Variants in TMEM45A observed in about 807,000 individuals in gnomAD.
TMEM45A encodes DNA polymerase-transactivated protein 4.
In TMEM45A, 25 loss-of-function variants were observed where a neutral mutation model predicts 32.0. That is an observed-to-expected ratio of 0.78 (90% CI 0.57 to 1.09). The LOEUF is 1.09. TMEM45A is among the 50% of genes least tolerant of loss of function. The pLI, the probability that TMEM45A is intolerant of heterozygous loss-of-function variation, is 0.00. For synonymous variants in TMEM45A, 122 were observed against 114.8 expected, an observed-to-expected ratio of 1.06 and a Z score of -0.40; for missense variants, 302 against 325.0, an observed-to-expected ratio of 0.93 and a Z score of 0.54.
At chr3:100,565,521 A>G (rs1351203541) in intron 4 of TMEM45A, among the ~76,000 whole-genome samples, 2 of 152,130 alleles carry the variant, frequency 1.3e-5, no homozygotes, top group African/African-American at 4.8e-5. Context: ...TGGGCAAATC[A>G]CTAAATCACC....
In TMEM45A at chr3:100,515,757, TTACATGTTCTTACTAA is replaced by T. The variant is rs1433715447; in HGVS notation, c.-4+22836_-4+22851del. On this transcript the variant is annotated intron_variant, in intron 1 of 5. Transcript: ENST00000323523. ...CAAGCCAGGCACAGAAAGACAAATA[TTACATGTTCTTACTAA>T]TACATGAGAGCTAAAAAAGTTGATC... is the stretch of plus-strand genomic sequence containing the variant. Among the ~76,000 whole-genome samples the T allele has an allele frequency of 2.0e-5, 3 of 152,154 alleles. No individual in the cohort carries two copies. In the East Asian group the frequency reaches 5.8e-4, roughly 29 times the overall value.
intron 1 of TMEM45A, among the ~76,000 whole-genome samples, chr3:100,515,711 A>G (rs928252437): frequency 1.3e-5 from 2 of 152,126 alleles, no homozygotes; most frequent in Non-Finnish European, 2.9e-5. Flanking sequence ...ATGGAACTGC[A>G]GGTCATTATG....
intron 5 of TMEM45A, chr3:100,573,903 A>G (rs1706626751): frequency 6.6e-6 from 1 of 152,196 alleles, no homozygotes; most frequent in Non-Finnish European, 1.5e-5. Flanking sequence ...GATTACATTT[A>G]TTGATTTGTG....
At chr3:100,502,827 A>C (rs919241155) in intron 1 of TMEM45A, among the ~76,000 whole-genome samples, 3 of 152,222 alleles carry the variant, frequency 2.0e-5, no homozygotes, top group Non-Finnish European at 1.5e-5. Context: ...CAAGGAAGAA[A>C]AAAATTATAG....
chr3:100,532,106 C>T (rs1424253789), intron 1 of TMEM45A, among the ~76,000 whole-genome samples: 1 of 152,194 alleles, frequency 6.6e-6, no homozygotes, highest in African/African-American at 2.4e-5. Flanking sequence ...GTCTCACATT[C>T]AGCATAATTT....
At chr3:100,499,831 G>C (rs776773135) in intron 1 of TMEM45A, among the ~76,000 whole-genome samples, 1 of 152,204 alleles carries the variant, frequency 6.6e-6, no homozygotes, top group Non-Finnish European at 1.5e-5. Context: ...AGCCGAGATT[G>C]TGCCACTGCA....
At chr3:100,565,286 C>G (rs77419905) in intron 4 of TMEM45A, among the ~76,000 whole-genome samples, 8,684 of 152,190 alleles carry the variant, frequency 0.057, 825 homozygotes, top group African/African-American at 0.2. Flanking sequence ...ACGTGACAAG[C>G]ACGTGGTGGT....
At chr3:100,538,565 G>A (rs1166300761) in intron 1 of TMEM45A, among the ~76,000 whole-genome samples, 1 of 152,128 alleles carries the variant, frequency 6.6e-6, no homozygotes, top group African/African-American at 2.4e-5. Flanking sequence ...AGCTAATGCA[G>A]TAATATGATA....
At chr3:100,504,419 C>G (rs1708052945) in intron 1 of TMEM45A, among the ~76,000 whole-genome samples, 1 of 152,144 alleles carries the variant, frequency 6.6e-6, no homozygotes, top group African/African-American at 2.4e-5. Context: ...GCAAGGGTCT[C>G]CTGACTTTGA....
At chr3:100,550,016 C>T in intron 1 of TMEM45A, among the ~76,000 whole-genome samples, 1 of 129,974 alleles carries the variant, frequency 7.7e-6, no homozygotes, top group Non-Finnish European at 1.6e-5. Context: ...GTGAATAATG[C>T]CACAATAAAC....
intron 4 of TMEM45A, among the ~76,000 whole-genome samples, chr3:100,566,996 T>C (rs1706454766): frequency 1.3e-5 from 2 of 152,120 alleles, no homozygotes; most frequent in South Asian, 4.1e-4. Flanking sequence ...TGAAGTCCAA[T>C]TTATCTGTTT....
At chr3:100,528,871 T>C (rs1705596387) in intron 1 of TMEM45A, among the ~76,000 whole-genome samples, 1 of 152,160 alleles carries the variant, frequency 6.6e-6, no homozygotes, top group African/African-American at 2.4e-5. Context: ...AAATAGCTTA[T>C]TTTAATGAAC....
chr3:100,520,299 T>G (rs1408973260), intron 1 of TMEM45A, among the ~76,000 whole-genome samples: 1 of 152,198 alleles, frequency 6.6e-6, no homozygotes, highest in African/African-American at 2.4e-5. Context: ...AGACAGTGCC[T>G]TCTTGTTATT....
chr3:100,508,920 T>A (rs1048823718), intron 1 of TMEM45A, among the ~76,000 whole-genome samples: 1 of 151,914 alleles, frequency 6.6e-6, no homozygotes, highest in Non-Finnish European at 1.5e-5. Flanking sequence ...AATGGTATTA[T>A]GATTAAGACC....
intron 1 of TMEM45A, among the ~76,000 whole-genome samples, chr3:100,495,852 A>G (rs541042894): frequency 2.6e-5 from 4 of 152,296 alleles, no homozygotes; most frequent in African/African-American, 9.6e-5. Flanking sequence ...AATCTTTGAC[A>G]TGGATGTGAT....
chr3:100,531,343 T>C (rs1705643962), intron 1 of TMEM45A, among the ~76,000 whole-genome samples: 1 of 152,176 alleles, frequency 6.6e-6, no homozygotes, highest in Admixed American at 6.5e-5. Flanking sequence ...TCTATTATAA[T>C]AATATAACTC....
chr3:100,526,135 T>C (rs921272849), intron 1 of TMEM45A, among the ~76,000 whole-genome samples: 6 of 152,184 alleles, frequency 3.9e-5, no homozygotes, highest in African/African-American at 1.4e-4. Context: ...AAATTAATCT[T>C]CCTGAAATAC....
intron 1 of TMEM45A, among the ~76,000 whole-genome samples, chr3:100,536,725 T>A (rs748377499): frequency 6.6e-6 from 1 of 152,200 alleles, no homozygotes; most frequent in Non-Finnish European, 1.5e-5. Context: ...ACAGTCTTCC[T>A]CAGGTTAAAA....
intron 1 of TMEM45A, among the ~76,000 whole-genome samples, chr3:100,494,438 A>G (rs1482191113): frequency 6.6e-6 from 1 of 152,196 alleles, no homozygotes; most frequent in East Asian, 1.9e-4. Context: ...CCTGGCCAAC[A>G]TGGTGAATCC....
Sources: gnomAD v4.1 joint callset for allele counts (sites outside exome capture counted in the v4.1 genomes callset) on GRCh38, gnomAD v4.1.1 for gene constraint, MANE v1.5 for transcripts, NCBI Gene and HGNC (gene_info 2026-07-23, HGNC 2026-07-21) for gene names.